EMCN: variants seen among roughly 807,000 people sequenced by gnomAD.
EMCN encodes endomucin.
A neutral mutation model predicts 38.4 loss-of-function variants in EMCN; 37 were observed. The observed-to-expected ratio is 0.96, with a 90% CI of 0.74 to 1.27. EMCN has a LOEUF of 1.27. Ranked by LOEUF, EMCN falls within the 50% of genes most tolerant of loss-of-function variation. The probability of loss-of-function intolerance (pLI) is 0.00; values close to 1 mark genes in which losing one functional copy is unlikely to be tolerated. For missense variants in EMCN, 318 were observed against 302.8 expected, an observed-to-expected ratio of 1.05 and a Z score of -0.37; for synonymous variants, 95 against 100.8, an observed-to-expected ratio of 0.94 and a Z score of 0.35.
At chr4:100,517,704 A>G (rs1236520705) in intron 1 of EMCN, 147 bp downstream of exon 1, 3 of 751,170 alleles carry the variant, frequency 4.0e-6, no homozygotes, top group Non-Finnish European at 7.1e-6. Context: ...TTCTCCACGC[A>G]CTCCAAGTCA....
chr4:100,415,854 T>C (rs371117912), intron 10 of EMCN, 44 bp downstream of exon 10: 13 of 1,348,888 alleles, frequency 9.6e-6, no homozygotes, highest in Admixed American at 2.1e-5. Context: ...AGTTAGATTC[T>C]AAAATAACTA....
chr4:100,428,154 G>C (rs1290147422), intron 5 of EMCN, among the ~76,000 whole-genome samples: 2 of 152,014 alleles, frequency 1.3e-5, no homozygotes, highest in Admixed American at 1.3e-4. Context: ...AGAAAAAGCC[G>C]AAGTCCATGC....
In EMCN at chr4:100,399,195, C is replaced by T. The variant is rs563751404; in HGVS notation, c.*40-822G>A. 3.9e-5 allele frequency among the ~76,000 whole-genome samples: 6 copies of T among 152,282 alleles called. 1 individual carries two copies. In the South Asian group the frequency reaches 1.2e-3, roughly 32 times the overall value. ...TTCTCTGCAGTGTAGGAACAACTTT[C>T]GATATTGGTCTATAAAAGAGCAAGA... is the stretch of plus-strand genomic sequence containing the variant. On this transcript the variant is annotated intron_variant, in intron 11 of 11. Coordinates refer to ENST00000296420, the MANE Select transcript of EMCN (RefSeq NM_016242.4).
intron 1 of EMCN, among the ~76,000 whole-genome samples, chr4:100,497,106 G>A (rs1460208628): frequency 6.6e-6 from 1 of 151,448 alleles, no homozygotes; most frequent in Non-Finnish European, 1.5e-5. Context: ...GAAACTAAGG[G>A]CCATGTAGTT....
At chr4:100,409,215 A>ATTTAT (rs3836625) in intron 11 of EMCN, among the ~76,000 whole-genome samples, 26,435 of 151,682 alleles carry the variant, frequency 0.17, 3,784 homozygotes, top group East Asian at 0.77. Flanking sequence ...CTGGACACGT[A>ATTTAT]TTTATTTTAT....
At chr4:100,479,237 C>T (rs934060478) in intron 2 of EMCN, among the ~76,000 whole-genome samples, 4 of 151,656 alleles carry the variant, frequency 2.6e-5, no homozygotes, top group African/African-American at 9.7e-5. Context: ...AGCATTCTAA[C>T]CAGAGTTTTT....
chr4:100,442,303 T>C (rs550952158), intron 5 of EMCN, among the ~76,000 whole-genome samples: 1 of 152,344 alleles, frequency 6.6e-6, no homozygotes, highest in African/African-American at 2.4e-5. Flanking sequence ...TGCTTTTCTC[T>C]TGTTGCTTTT....
At chr4:100,497,113 A>G (rs187204879) in intron 1 of EMCN, among the ~76,000 whole-genome samples, 177 of 152,076 alleles carry the variant, frequency 1.2e-3, no homozygotes, top group African/African-American at 4.0e-3. Context: ...AGGGCCATGT[A>G]GTTGATTAAA....
intron 1 of EMCN, among the ~76,000 whole-genome samples, chr4:100,489,163 C>T (rs1332950449): frequency 6.6e-6 from 1 of 151,400 alleles, no homozygotes; most frequent in Non-Finnish European, 1.5e-5. Context: ...TCTCAGCTTC[C>T]ATGTTCTCTT....
intron 4 of EMCN, among the ~76,000 whole-genome samples, chr4:100,455,187 C>T (rs1465981735): frequency 6.6e-6 from 1 of 151,936 alleles, no homozygotes. Flanking sequence ...ATTGATTTTA[C>T]AACAGTATAG....
At chr4:100,461,849 T>A (rs1445165678) in intron 4 of EMCN, among the ~76,000 whole-genome samples, 1 of 152,214 alleles carries the variant, frequency 6.6e-6, no homozygotes, top group African/African-American at 2.4e-5. Flanking sequence ...CCCAGATGTT[T>A]AAGAGGGAGC....
At chr4:100,404,772 G>A (rs1405340351) in intron 11 of EMCN, among the ~76,000 whole-genome samples, 1 of 152,066 alleles carries the variant, frequency 6.6e-6, no homozygotes, top group Non-Finnish European at 1.5e-5. Context: ...GTTTGATAGA[G>A]AATAACATTG....
chr4:100,471,942 G>A (rs185316530), intron 3 of EMCN, among the ~76,000 whole-genome samples: 2 of 151,824 alleles, frequency 1.3e-5, no homozygotes, highest in African/African-American at 4.8e-5. Context: ...TTCTGATAAA[G>A]GTCATTTATT....
intron 1 of EMCN, among the ~76,000 whole-genome samples, chr4:100,503,288 A>T (rs1007978908): frequency 6.6e-6 from 1 of 152,140 alleles, no homozygotes; most frequent in Non-Finnish European, 1.5e-5. Context: ...TTGATAGGCT[A>T]TAGTTTTTAG....
chr4:100,482,857 A>G (rs186034465), intron 1 of EMCN, among the ~76,000 whole-genome samples: 1 of 152,270 alleles, frequency 6.6e-6, no homozygotes, highest in Admixed American at 6.5e-5. Context: ...TTTTGAAGTC[A>G]TCATGTGACA....
At position 100,475,089 on chromosome 4, in the gene EMCN, G is replaced by T; in HGVS notation, c.208C>A (p.Leu70Ile). The change falls in exon 3 of 12, where the codon CTT (leucine) becomes ATT (isoleucine). Residue 70 changes from leucine to isoleucine, a missense_variant. Physicochemically the swap from Leu to Ile is conservative, Grantham distance 5 (BLOSUM62 2). Transcript: ENST00000296420. ...GCTGTTGACATCAGAGACATTTTAA[G>T]TAATTCATTGGTGATTGTTCCTAGT... ...TPKGTITNEL[L>I]KMSLMSTATF... The T allele has an allele frequency of 6.6e-7, 1 of 1,526,318 alleles. No individual in the cohort carries two copies. Among genetic ancestry groups the T allele is most frequent in the Non-Finnish European group, 8.9e-7 (1 of 1,120,314 alleles). 94.5% of individuals were successfully genotyped at this position (1,526,318 alleles called of 1,614,324 possible).
intron 11 of EMCN, among the ~76,000 whole-genome samples, chr4:100,408,055 G>A (rs2110207898): frequency 6.6e-6 from 1 of 152,252 alleles, no homozygotes; most frequent in African/African-American, 2.4e-5. Context: ...CTTGTGGTGA[G>A]TTTTTCAGCT....
chr4:100,504,319 C>T (rs1289745638), intron 1 of EMCN, among the ~76,000 whole-genome samples: 19 of 152,138 alleles, frequency 1.2e-4, no homozygotes, highest in Admixed American at 1.0e-3. Context: ...GATGTAGGAT[C>T]GGGAGAGTTG....
intron 1 of EMCN, among the ~76,000 whole-genome samples, chr4:100,493,179 A>G (rs1560639398): frequency 6.6e-6 from 1 of 152,212 alleles, no homozygotes; most frequent in Non-Finnish European, 1.5e-5. Context: ...TAGTAAGTTC[A>G]GGACACTAAA....
Sources: gnomAD v4.1 joint callset for allele counts (sites outside exome capture counted in the v4.1 genomes callset) on GRCh38, gnomAD v4.1.1 for gene constraint, MANE v1.5 for transcripts, NCBI Gene and HGNC (gene_info 2026-07-23, HGNC 2026-07-21) for gene names.